The following GAN variants were observed in gnomAD, a reference collection of about 807,000 sequenced individuals.
GAN encodes the protein gigaxonin.
In GAN, 48 loss-of-function variants were observed where a neutral mutation model predicts 71.3. The observed-to-expected ratio is 0.67, with a 90% confidence interval of 0.53 to 0.86. The LOEUF is 0.86. Ranked by LOEUF, GAN falls within the 40% of genes least tolerant of loss-of-function variation. The pLI is 0.00. For missense variants in GAN, 928 were observed against 770.1 expected (o/e 1.21, Z -2.43); for synonymous variants, 386 against 276.8 (o/e 1.39, Z -3.92).
At chr16:81,343,573 C>G (rs1482492895) in intron 1 of GAN, among the ~76,000 whole-genome samples, 1 of 152,172 alleles carries the variant, frequency 6.6e-6, no homozygotes. Flanking sequence ...GGCAGCCTTT[C>G]ATGGTAAAAA....
intron 1 of GAN, among the ~76,000 whole-genome samples, chr16:81,321,846 G>T (rs1909233775): frequency 6.6e-6 from 1 of 152,178 alleles, no homozygotes; most frequent in South Asian, 2.1e-4. Context: ...GGCAGGCTAT[G>T]GTTGCGACCT....
At chr16:81,340,384 A>G (rs895483640) in intron 1 of GAN, among the ~76,000 whole-genome samples, 8 of 152,232 alleles carry the variant, frequency 5.3e-5, no homozygotes, top group Non-Finnish European at 1.0e-4. Flanking sequence ...TCCTTGTCCA[A>G]CACACACCTC....
intron 1 of GAN, among the ~76,000 whole-genome samples, chr16:81,326,363 C>CAAAAAAAAAA (rs66769713): frequency 7.2e-6 from 1 of 138,714 alleles, no homozygotes; most frequent in Non-Finnish European, 1.6e-5. Context: ...ACTAAAAATA[C>CAAAAAAAAAA]AAAAAAAAAA....
At chr16:81,362,477 G>T in intron 5 of GAN, 22 bp from the exon 6 acceptor site, 1 of 1,244,960 alleles carries the variant, frequency 8.0e-7, no homozygotes, top group Non-Finnish European at 1.2e-6. Flanking sequence ...TTTCATATTT[G>T]TGTTTCCTTT....
At chr16:81,336,387 G>C (rs774618238) in intron 1 of GAN, among the ~76,000 whole-genome samples, 1 of 152,192 alleles carries the variant, frequency 6.6e-6, no homozygotes, top group Admixed American at 6.5e-5. Context: ...GCCATCTGTT[G>C]ATGGAAACAT....
intron 9 of GAN, among the ~76,000 whole-genome samples, chr16:81,368,923 A>G (rs1165868571): frequency 2.0e-5 from 3 of 152,190 alleles, no homozygotes; most frequent in Non-Finnish European, 2.9e-5. Flanking sequence ...CTTACTAAAC[A>G]AAGGTAATAG....
Position 81,384,773 on chromosome 16 carries a change from C to T in GAN, c.*7177C>T, listed in dbSNP as rs1034528454. 1.3e-5 allele frequency: 2 copies of T among 152,184 alleles called. No individual in the cohort carries two copies. The highest frequency in any genetic ancestry group is 2.4e-5 in the African/African-American group (1 of 41,422). The allele number at this position is 152,184 out of a possible 1,614,324, so 9.4% of individuals were successfully genotyped here. A position where few individuals can be genotyped will look rare whatever the true frequency, so the allele number is the denominator to read the frequency against. On this transcript the variant is annotated 3_prime_UTR_variant, in exon 11 of 11. Coordinates refer to ENST00000648994, the MANE Select transcript of GAN (RefSeq NM_022041.4). ...CCATGTATCTGTGGAACATCCCTCA[C>T]CTTCCTCCGGTATGCGCCTTCTGCA...
At chr16:81,357,066 A>G (rs1910514778) in intron 4 of GAN, 64 bp downstream of exon 4, 2 of 970,764 alleles carry the variant, frequency 2.1e-6, no homozygotes, top group Admixed American at 3.4e-5. Context: ...CATGTAAACA[A>G]GAATTCATAA....
Position 81,381,453 on chromosome 16 carries a change from G to A in GAN, c.*3857G>A, listed in dbSNP as rs1008017126. 2.6e-5 allele frequency: 4 copies of A among 152,266 alleles called. No individual in the cohort carries two copies. Among genetic ancestry groups the A allele is most frequent in the Non-Finnish European group, 4.4e-5 (3 of 68,060 alleles). 9.4% of individuals were successfully genotyped at this position (152,266 alleles called of 1,614,324 possible). On this transcript the variant is annotated 3_prime_UTR_variant, in exon 11 of 11. Coordinates refer to ENST00000648994, the MANE Select transcript of GAN (RefSeq NM_022041.4). ...CCCGTTAAAAACACCTGGTGGAAGG[G>A]AAAGGTGAGGCGGCCCTTTTCCACT...
intron 9 of GAN, among the ~76,000 whole-genome samples, chr16:81,373,676 G>T (rs1018499676): frequency 6.6e-6 from 1 of 152,120 alleles, no homozygotes; most frequent in Non-Finnish European, 1.5e-5. Flanking sequence ...TCGGTTTCCA[G>T]ATCCAATCCA....
At chr16:81,375,317 C>CTTT (rs370495519) in intron 9 of GAN, among the ~76,000 whole-genome samples, 1,671 of 125,176 alleles carry the variant, frequency 0.013, 39 homozygotes, top group East Asian at 0.11. Context: ...TTGCTACGTC[C>CTTT]TTTTTTTTTT....
intron 1 of GAN, among the ~76,000 whole-genome samples, chr16:81,330,923 A>G (rs1199959601): frequency 6.6e-6 from 1 of 152,200 alleles, no homozygotes; most frequent in African/African-American, 2.4e-5. Flanking sequence ...AAGAAATTAA[A>G]CAGGCAGGCA....
intron 9 of GAN, among the ~76,000 whole-genome samples, chr16:81,366,885 C>T (rs577895110): frequency 3.0e-4 from 46 of 152,072 alleles, no homozygotes; most frequent in Non-Finnish European, 5.9e-4. Context: ...AGTGCAGTGG[C>T]GTGATCTCGG....
rs1448030025 is a variant in GAN at position 81,385,040 on chromosome 16, C to G, written c.*7444C>G. The G allele has an allele frequency of 1.3e-5, 2 of 154,346 alleles. No individual in the cohort carries two copies. Among genetic ancestry groups the G allele is most frequent in the African/African-American group, 2.4e-5 (1 of 41,528 alleles). 9.6% of individuals were successfully genotyped at this position (154,346 alleles called of 1,614,324 possible). On this transcript the variant is annotated 3_prime_UTR_variant, in exon 11 of 11. Transcript: ENST00000648994. ...TAAAAGCCTGGCATATTTGGTATAA[C>G]TTAAGCACCAGGTAAAATCTGGTGC... is the stretch of plus-strand genomic sequence containing the variant.
chr16:81,370,168 A>C (rs1245855854), intron 9 of GAN, among the ~76,000 whole-genome samples: 3 of 152,252 alleles, frequency 2.0e-5, no homozygotes, highest in Non-Finnish European at 4.4e-5. Context: ...TCGGCTGTAT[A>C]TTAGTCCACA....
chr16:81,354,732 G>A lies in GAN; in HGVS notation c.610G>A (p.Ala204Thr). The A allele has an allele frequency of 6.3e-7, 1 of 1,596,278 alleles. No individual in the cohort carries two copies. Among genetic ancestry groups the A allele is most frequent in the Non-Finnish European group, 8.6e-7 (1 of 1,163,720 alleles). ...CTTTGAAGCAGTAATTCGATGGATA[G>A]CACATGATACAGAAATAAGAAAGGT... ...YVFEAVIRWI[A>T]HDTEIRKVHM... The change falls in exon 3 of 11, where the codon GCA becomes ACA. Residue 204 changes from alanine (A) to threonine (T), a missense_variant. Coordinates refer to ENST00000648994, the MANE Select transcript of GAN (RefSeq NM_022041.4).
intron 1 of GAN, among the ~76,000 whole-genome samples, chr16:81,327,031 G>A (rs548955132): frequency 6.6e-6 from 1 of 152,200 alleles, no homozygotes. Flanking sequence ...CAAAGGGACA[G>A]AATAAACCAT....
intron 7 of GAN, among the ~76,000 whole-genome samples, chr16:81,364,409 G>T (rs1046309528): frequency 5.9e-5 from 9 of 152,166 alleles, no homozygotes; most frequent in Non-Finnish European, 2.9e-5. Flanking sequence ...GGGACTACAG[G>T]TGTGCACCAC....
At chr16:81,333,522 G>A (rs575880433) in intron 1 of GAN, among the ~76,000 whole-genome samples, 1 of 152,236 alleles carries the variant, frequency 6.6e-6, no homozygotes, top group East Asian at 1.9e-4. Context: ...TAGCCTGGGG[G>A]GAAAAGGATT....
Sources: gnomAD v4.1 joint callset for allele counts (sites outside exome capture counted in the v4.1 genomes callset) on GRCh38, gnomAD v4.1.1 for gene constraint, MANE v1.5 for transcripts, NCBI Gene and HGNC (gene_info 2026-07-23, HGNC 2026-07-21) for gene names.